PARD3B: variants seen among roughly 807,000 people sequenced by gnomAD.
PARD3B encodes partitioning defective 3 homolog B.
A neutral mutation model predicts 130.2 loss-of-function variants in PARD3B; 103 were observed. That is an observed-to-expected ratio of 0.79 (90% confidence interval 0.67 to 0.93). The LOEUF (loss-of-function observed/expected upper bound fraction) is 0.93, where lower values mean the gene tolerates loss of function less well. PARD3B is among the 40% of genes least tolerant of loss of function. The pLI is 0.00. For missense variants in PARD3B, 1,609 were observed against 1,499.2 expected (o/e 1.07, Z -1.21); for synonymous variants, 583 against 553.2 (o/e 1.05, Z -0.76).
intron 22 of PARD3B, among the ~76,000 whole-genome samples, chr2:205,610,072 T>C (rs1341051438): frequency 2.6e-5 from 4 of 152,238 alleles, no homozygotes; most frequent in African/African-American, 9.6e-5. Flanking sequence ...CCTTGTTCTT[T>C]CCTGGATGGA....
rs2036674271 is a variant in PARD3B, at chr2:204,678,688, C to T, written c.121-7493C>T. Reference sequence around the variant, plus strand: ...AGTTGCTTCTCCTCTCGATGTTCAGCCGCTTGTCTCTCTGCCAGCTGAGCT... The same window carrying T: ...AGTTGCTTCTCCTCTCGATGTTCAGTCGCTTGTCTCTCTGCCAGCTGAGCT... On this transcript the variant is annotated intron_variant, in intron 1 of 22. Transcript: ENST00000406610. The surrounding 1 kb of genome is among the most constrained non-coding windows in gnomAD (Gnocchi z 4.2). Among the ~76,000 whole-genome samples the T allele has an allele frequency of 6.6e-6, 1 of 152,102 alleles. No individual in the cohort carries two copies. The highest frequency in any genetic ancestry group is 2.4e-5 in the African/African-American group (1 of 41,418).
At chr2:205,450,758 G>A (rs921737462) in intron 20 of PARD3B, among the ~76,000 whole-genome samples, 10 of 152,184 alleles carry the variant, frequency 6.6e-5, no homozygotes, top group African/African-American at 2.4e-4. Context: ...TTACAGGCAT[G>A]AGCCACTGCA....
chr2:205,351,035 TA>T lies in PARD3B; in HGVS notation c.2630+49341del, dbSNP rs1165127840. 6.6e-6 allele frequency among the ~76,000 whole-genome samples: 1 copy of T among 152,198 alleles called. No homozygotes were observed. Among genetic ancestry groups the T allele is most frequent in the Non-Finnish European group, 1.5e-5 (1 of 68,032 alleles). On this transcript the variant is annotated intron_variant, in intron 18 of 22. Transcript: ENST00000406610. The surrounding 1 kb of genome is among the most constrained non-coding windows in gnomAD (Gnocchi z 4.2). Reference sequence around the variant, plus strand: ...TCAAAACAATGATAAGAGCAACTTCTAAAAAAATCTGTCTTCTTGGTTCAGT... The same window carrying T: ...TCAAAACAATGATAAGAGCAACTTCTAAAAAATCTGTCTTCTTGGTTCAGT...
chr2:204,708,737 A>G (rs2038299663), intron 2 of PARD3B, among the ~76,000 whole-genome samples: 1 of 152,210 alleles, frequency 6.6e-6, no homozygotes, highest in African/African-American at 2.4e-5. Flanking sequence ...TGTATCCTCA[A>G]GGGCATAGTA....
chr2:205,016,851 C>G (rs1374874613), intron 3 of PARD3B, among the ~76,000 whole-genome samples: 1 of 152,108 alleles, frequency 6.6e-6, no homozygotes, highest in Non-Finnish European at 1.5e-5. Flanking sequence ...ACATTCTGCT[C>G]TTAAAATGTT....
At chr2:205,092,943 G>A (rs4675495) in intron 4 of PARD3B, among the ~76,000 whole-genome samples, 95,701 of 152,038 alleles carry the variant, frequency 0.63, 30,535 homozygotes, top group East Asian at 0.8. Flanking sequence ...AGGTGCATAT[G>A]TAAAGAAACA....
intron 2 of PARD3B, among the ~76,000 whole-genome samples, chr2:204,764,329 C>A (rs1375752303): frequency 1.3e-5 from 2 of 152,088 alleles, no homozygotes; most frequent in African/African-American, 4.8e-5. Context: ...GTACATGTGT[C>A]AGGGGATGGA....
intron 3 of PARD3B, among the ~76,000 whole-genome samples, chr2:204,998,414 A>G (rs1481318925): frequency 2.2e-5 from 1 of 46,124 alleles, no homozygotes; most frequent in Non-Finnish European, 4.3e-5. Context: ...GTGTATATAT[A>G]TGTATATATG....
At chr2:204,954,768 T>G (rs1236902697) in intron 2 of PARD3B, among the ~76,000 whole-genome samples, 1 of 152,198 alleles carries the variant, frequency 6.6e-6, no homozygotes, top group Admixed American at 6.5e-5. Flanking sequence ...TCAGTGTGGT[T>G]TGCAAACCCT....
At chr2:205,520,993 A>G (rs1337776729) in intron 21 of PARD3B, among the ~76,000 whole-genome samples, 4 of 151,314 alleles carry the variant, frequency 2.6e-5, no homozygotes, top group South Asian at 2.1e-4. Context: ...TCATAAATCA[A>G]TATAAGATAC....
Position 205,280,212 on chromosome 2 carries a change from G to A in PARD3B, c.2186-20318G>A, listed in dbSNP as rs537045353. Among the ~76,000 whole-genome samples, 112 of 152,074 alleles carry A rather than the reference G, an allele frequency of 7.4e-4. No individual in the cohort carries two copies. Among genetic ancestry groups the A allele is most frequent in the African/African-American group, 2.4e-3 (98 of 41,498 alleles). On this transcript the variant is annotated intron_variant, in intron 16 of 22. Transcript: ENST00000406610. The surrounding 1 kb of genome is among the most constrained non-coding windows in gnomAD (Gnocchi z 4.7). ...ATAACAGTCACTACTCCTTTTTCCC[G>A]TGCATGAACTTTGGAACAGAAAAAT...
At chr2:205,252,113 T>C (rs2039876150) in intron 16 of PARD3B, among the ~76,000 whole-genome samples, 1 of 152,184 alleles carries the variant, frequency 6.6e-6, no homozygotes, top group African/African-American at 2.4e-5. Context: ...TTAAACTGAA[T>C]TAGAAACAAA....
chr2:204,577,448 C>A (rs2032322211), intron 1 of PARD3B, among the ~76,000 whole-genome samples: 1 of 152,200 alleles, frequency 6.6e-6, no homozygotes, highest in Non-Finnish European at 1.5e-5. Context: ...CCAAGCCCAG[C>A]CTGTCTGGCT....
intron 1 of PARD3B, among the ~76,000 whole-genome samples, chr2:204,652,421 A>C (rs540311380): frequency 1.3e-5 from 2 of 152,108 alleles, no homozygotes; most frequent in African/African-American, 4.8e-5. Context: ...AACATCACCA[A>C]TCTCTTCACT....
chr2:204,862,028 T>C (rs75714440), intron 2 of PARD3B, among the ~76,000 whole-genome samples: 1,752 of 149,492 alleles, frequency 0.012, 33 homozygotes, highest in African/African-American at 0.04. Context: ...AAACTTTCAC[T>C]CCATGTTTAT....
intron 16 of PARD3B, among the ~76,000 whole-genome samples, chr2:205,294,850 A>C (rs1488596209): frequency 1.3e-5 from 2 of 152,184 alleles, no homozygotes; most frequent in Non-Finnish European, 2.9e-5. Context: ...ATTATGCCCT[A>C]TGGTAATGAA....
chr2:205,529,518 C>CT (rs921523278), intron 21 of PARD3B, among the ~76,000 whole-genome samples: 3 of 151,974 alleles, frequency 2.0e-5, no homozygotes, highest in Admixed American at 6.6e-5. Context: ...TCTTTGCTTA[C>CT]TTTTTTTCCT....
intron 19 of PARD3B, 42 bp downstream of exon 19, chr2:205,401,165 G>C (rs2046239514): frequency 6.8e-7 from 1 of 1,461,426 alleles, no homozygotes; most frequent in Middle Eastern, 1.7e-4. Context: ...TTGACTCTAT[G>C]GTCTGGGTTT....
chr2:204,883,571 A>G (rs148776266), intron 2 of PARD3B, among the ~76,000 whole-genome samples: 1 of 145,972 alleles, frequency 6.9e-6, no homozygotes, highest in Admixed American at 6.9e-5. Context: ...CCTCAGCCTC[A>G]CAAATAGCTG....
Sources: allele counts gnomAD v4.1 joint callset (sites outside exome capture counted in the v4.1 genomes callset), GRCh38; gene constraint gnomAD v4.1.1; non-coding constraint Gnocchi (gnomAD v3.1); transcripts MANE v1.5; gene names NCBI Gene and HGNC (gene_info 2026-07-23, HGNC 2026-07-21).